The following ASPDH variants were observed in gnomAD, a reference collection of about 807,000 sequenced individuals.
ASPDH encodes the protein aspartate dehydrogenase domain containing, also known as aspartate dehydrogenase domain-containing protein.
Under a neutral mutation model 30.5 loss-of-function variants are expected in ASPDH, and 25 were observed. The observed-to-expected ratio is 0.82, with a 90% CI of 0.60 to 1.14. ASPDH has a LOEUF of 1.14. Ranked by LOEUF, ASPDH falls within the 50% of genes most tolerant of loss-of-function variation. ASPDH has a pLI of 0.00. For synonymous variants in ASPDH, 168 were observed against 156.3 expected, an observed-to-expected ratio of 1.07 and a Z score of -0.56; for missense variants, 401 against 381.5, an observed-to-expected ratio of 1.05 and a Z score of -0.43.
At position 50,513,265 on chromosome 19, in the gene ASPDH, C is replaced by T; in HGVS notation, c.197+7G>A. ...GAGCTCCACTCTCCCATGGCAAGGT[C>T]ACTGACCTTTCCCCAAGGGCAGCAA... On this transcript the variant is annotated splice_region_variant and intron_variant, in intron 2 of 6. Coordinates refer to ENST00000389208, the MANE Select transcript of ASPDH (RefSeq NM_001114598.2). The surrounding 1 kb of genome is among the most constrained non-coding windows in gnomAD (Gnocchi z 4.9). 1 of 1,469,214 alleles carries T rather than the reference C, an allele frequency of 6.8e-7. No individual in the cohort carries two copies. The highest frequency in any genetic ancestry group is 9.0e-7 in the Non-Finnish European group (1 of 1,108,300). The allele number at this position is 1,469,214 out of a possible 1,614,324, so 91.0% of individuals were successfully genotyped here.
upstream of ASPDH, chr19:50,514,370 C>G: frequency 1.3e-6 from 2 of 1,483,440 alleles, no homozygotes; most frequent in South Asian, 2.3e-5. Context: ...TGTGCCCTTG[C>G]CTCAGCGGGT....
At chr19:50,514,726 G>T, upstream of ASPDH, 1 of 1,430,066 alleles carries the variant, frequency 7.0e-7, no homozygotes. Context: ...CCTGGTACCC[G>T]CTGCAGTGTT....
In ASPDH at chr19:50,511,710, C is replaced by T. The variant is rs1024280568; in HGVS notation, c.*20G>A. On this transcript the variant is annotated 3_prime_UTR_variant, in exon 7 of 7. Transcript: ENST00000389208. Reference sequence around the variant, plus strand: ...TGAGAGGCCAGGCAGATGATCTTGTCTCGGGAGGGAGGAGGCTTCTCAGCA... The same window carrying T: ...TGAGAGGCCAGGCAGATGATCTTGTTTCGGGAGGGAGGAGGCTTCTCAGCA... 4 of 1,296,242 alleles carry T rather than the reference C, an allele frequency of 3.1e-6. No individual in the cohort carries two copies. The highest frequency in any genetic ancestry group is 2.8e-5 in the South Asian group (1 of 35,268). The allele number at this position is 1,296,242 out of a possible 1,614,324, so 80.3% of individuals were successfully genotyped here. A position where few individuals can be genotyped will look rare whatever the true frequency, so the allele number is the denominator to read the frequency against.
At chr19:50,512,086 C>G (rs1284134713) in intron 6 of ASPDH, 50 bp downstream of exon 6, 5 of 1,449,972 alleles carry the variant, frequency 3.4e-6, no homozygotes, top group Non-Finnish European at 4.5e-6. Flanking sequence ...GACCCCCAAG[C>G]TCTGCAGAAC....
upstream of ASPDH, chr19:50,514,925 A>C (rs551076704): frequency 1.8e-4 from 173 of 985,396 alleles, 1 homozygote; most frequent in African/African-American, 2.6e-3. Context: ...GCCGCTGCTG[A>C]TAAGGGAGGA....
At chr19:50,512,639 T>C in intron 4 of ASPDH, 22 bp downstream of exon 4, 1 of 1,517,912 alleles carries the variant, frequency 6.6e-7, no homozygotes, top group East Asian at 2.4e-5. Context: ...CCCTGGTTCC[T>C]GGGGAGCCCA....
chr19:50,513,453 G>A lies in ASPDH; in HGVS notation c.53-37C>T. On this transcript the variant is annotated intron_variant, in intron 1 of 6. Coordinates refer to ENST00000389208, the MANE Select transcript of ASPDH (RefSeq NM_001114598.2). The surrounding 1 kb of genome is among the most constrained non-coding windows in gnomAD (Gnocchi z 4.9). ...GAAAGGAGAGGGCTAGAGATCCAGAGAGAGGGGGACAGAGACCCAGAGAGA... is the reference window on the plus strand; with the variant it reads ...GAAAGGAGAGGGCTAGAGATCCAGAAAGAGGGGGACAGAGACCCAGAGAGA... The A allele has an allele frequency of 6.9e-7, 1 of 1,458,760 alleles. No homozygotes were observed. The highest frequency in any genetic ancestry group is 9.1e-7 in the Non-Finnish European group (1 of 1,103,004). 90.4% of individuals were successfully genotyped at this position (1,458,760 alleles called of 1,614,324 possible). A position where few individuals can be genotyped will look rare whatever the true frequency, so the allele number is the denominator to read the frequency against.
At chr19:50,514,331 C>T (rs1253549403), upstream of ASPDH, 5 of 1,150,248 alleles carry the variant, frequency 4.3e-6, no homozygotes, top group South Asian at 1.3e-5. Context: ...CCAGAGGCAG[C>T]GGGAGCCCTG....
At chr19:50,515,095 T>G, upstream of ASPDH, 1 of 985,328 alleles carries the variant, frequency 1.0e-6, no homozygotes, top group Non-Finnish European at 1.2e-6. Context: ...GTCCCCATAG[T>G]GCCCATAGCT....
At chr19:50,514,957 C>A (rs569216322), upstream of ASPDH, 9 of 985,354 alleles carry the variant, frequency 9.1e-6, no homozygotes, top group African/African-American at 1.4e-4. Context: ...GAGCCAGGAG[C>A]CCCCGGTGTG....
At position 50,512,436 on chromosome 19, in the gene ASPDH, T is replaced by C. The variant is rs758964414; in HGVS notation, c.577A>G (p.Thr193Ala). The change falls in exon 5 of 7, where the codon ACC becomes GCC. Residue 193 changes from threonine (T) to alanine (A), a missense_variant. Thr to Ala is a moderately conservative substitution (Grantham distance 58, BLOSUM62 0). Coordinates refer to ENST00000389208, the MANE Select transcript of ASPDH (RefSeq NM_001114598.2). The part of the protein sequence containing the change: ...LCPFAPRNSN[T>A]MAAAALAAPS... Reference sequence around the variant, plus strand: ...GCAGCCAGGGCAGCCGCCGCCATGGTGTTGGAATTTCGCGGGGCAAAGGGG... The same window carrying C: ...GCAGCCAGGGCAGCCGCCGCCATGGCGTTGGAATTTCGCGGGGCAAAGGGG... The C allele has an allele frequency of 4.3e-5, 69 of 1,611,578 alleles. No individual in the cohort carries two copies. Among genetic ancestry groups the C allele is most frequent in the Non-Finnish European group, 5.8e-5 (68 of 1,179,158 alleles).
In ASPDH at chr19:50,512,168, G is replaced by A; in HGVS notation, c.776C>T (p.Ala259Val). The part of the protein sequence containing the change: ...PAEPGAVTGS[A>V]TVTAFWQSLL... ...GCTCTGCCAGAAGGCCGTGACGGTG[G>A]CGGAGCCGGTGACCGCGCCTGGCTC... Residue 259 changes from alanine (A) to valine (V), a missense_variant, in exon 6 of 7, where the codon GCC becomes GTC. Physicochemically the swap from Ala to Val is moderately conservative, Grantham distance 64. Coordinates refer to ENST00000389208, the MANE Select transcript of ASPDH (RefSeq NM_001114598.2). The A allele has an allele frequency of 6.3e-7, 1 of 1,587,648 alleles. No individual in the cohort carries two copies. Among genetic ancestry groups the A allele is most frequent in the Non-Finnish European group, 8.5e-7 (1 of 1,171,194 alleles).
Position 50,513,812 on chromosome 19 carries a change from CCT to C in ASPDH, c.10_11del (p.Arg4GlyfsTer39), listed in dbSNP as rs1568709586. MAD[R>X]GPWRVGVVGY... The stretch of plus-strand genomic sequence containing the variant: ...CCACCACGCCCACCCTCCACGGGCC[CCT>C]GTCGGCCATGGCCCTGAGTGCGGTG... On this transcript the variant is annotated frameshift_variant, in exon 1 of 7. Transcript: ENST00000389208. LOFTEE classifies it high-confidence loss of function. This position sits in a 1 kb window ranked among gnomAD's most constrained non-coding sequence, Gnocchi z 4.9. The C allele has an allele frequency of 5.8e-6, 9 of 1,550,666 alleles. No individual in the cohort carries two copies. Among genetic ancestry groups the C allele is most frequent in the East Asian group, 2.4e-5 (1 of 40,922 alleles).
upstream of ASPDH, chr19:50,514,481 G>C (rs1005593723): frequency 6.2e-7 from 1 of 1,614,096 alleles, no homozygotes; most frequent in Non-Finnish European, 8.5e-7. Context: ...AGTTCACCTT[G>C]ACTTGCTACC....
Position 50,512,918 on chromosome 19 carries a change from G to A in ASPDH, c.282+9C>T, listed in dbSNP as rs376273826. 5 of 1,611,772 alleles carry A rather than the reference G, an allele frequency of 3.1e-6. No individual in the cohort carries two copies. The highest frequency in any genetic ancestry group is 1.3e-5 in the African/African-American group (1 of 74,898). ...AGGGCTCTGCGTAAATGGTTGGGGTGGGGCTTACCAGGAGATTGGCATGGC... is the reference window on the plus strand; with the variant it reads ...AGGGCTCTGCGTAAATGGTTGGGGTAGGGCTTACCAGGAGATTGGCATGGC... On this transcript the variant is annotated intron_variant, in intron 3 of 6. Transcript: ENST00000389208.
Position 50,513,149 on chromosome 19 carries a change from G to T in ASPDH, c.197+123C>A. On this transcript the variant is annotated intron_variant, in intron 2 of 6. Coordinates refer to ENST00000389208, the MANE Select transcript of ASPDH (RefSeq NM_001114598.2). This position sits in a 1 kb window ranked among gnomAD's most constrained non-coding sequence, Gnocchi z 4.9. ...GAAATGAGATGAATGGGTTCGTCCTGTTTCACATTTGCTTGAACCAAGGCC... is the reference window on the plus strand; with the variant it reads ...GAAATGAGATGAATGGGTTCGTCCTTTTTCACATTTGCTTGAACCAAGGCC... The T allele has an allele frequency of 7.9e-7, 1 of 1,262,888 alleles. No homozygotes were observed. The highest frequency in any genetic ancestry group is 1.1e-6 in the Non-Finnish European group (1 of 923,112). 78.2% of individuals were successfully genotyped at this position (1,262,888 alleles called of 1,614,324 possible).
upstream of ASPDH, chr19:50,514,027 C>G: frequency 1.6e-6 from 1 of 636,112 alleles, no homozygotes; most frequent in East Asian, 2.8e-5. Context: ...TCCACTTTCC[C>G]GGGTCCAGCA....
At chr19:50,514,454 C>G (rs186378376), upstream of ASPDH, 2 of 1,614,108 alleles carry the variant, frequency 1.2e-6, no homozygotes, top group East Asian at 4.5e-5. Flanking sequence ...AGCCTCCCTC[C>G]GCTCTGATCA....
chr19:50,513,076 C>A lies in ASPDH; in HGVS notation c.198-65G>T. The A allele has an allele frequency of 7.0e-7, 1 of 1,427,234 alleles. No individual in the cohort carries two copies. The highest frequency in any genetic ancestry group is 9.6e-7 in the Non-Finnish European group (1 of 1,037,494). 88.4% of individuals were successfully genotyped at this position (1,427,234 alleles called of 1,614,324 possible). On this transcript the variant is annotated intron_variant, in intron 2 of 6. Coordinates refer to ENST00000389208, the MANE Select transcript of ASPDH (RefSeq NM_001114598.2). The surrounding 1 kb of genome is among the most constrained non-coding windows in gnomAD (Gnocchi z 4.9). ...ATTAGGCCTCTTCTCCCCAAGGTTC[C>A]CTCCGAGTCTACTGAGGGCTGCCCT...
Sources: gnomAD v4.1 joint callset for allele counts on GRCh38, gnomAD v4.1.1 for gene constraint, Gnocchi (gnomAD v3.1) non-coding constraint, MANE v1.5 for transcripts, NCBI Gene and HGNC (gene_info 2026-07-23, HGNC 2026-07-21) for gene names.